MSMB: variants seen among roughly 807,000 people sequenced by gnomAD.
MSMB encodes the protein beta-microseminoprotein.
MSMB carries 10 observed loss-of-function variants against 10.5 expected under a neutral mutation model. That is an observed-to-expected ratio of 0.95 (90% CI 0.59 to 1.62). The LOEUF is 1.62. Ranked by LOEUF, MSMB falls within the 40% of genes most tolerant of loss-of-function variation. MSMB has a pLI of 0.00. For synonymous variants in MSMB, 43 were observed against 46.5 expected (o/e 0.93, Z 0.30); for missense variants, 126 against 137.4 (o/e 0.92, Z 0.42).
intron 1 of MSMB, among the ~76,000 whole-genome samples, chr10:46,042,714 C>A (rs1554928804): frequency 6.6e-6 from 1 of 152,154 alleles, no homozygotes; most frequent in African/African-American, 2.4e-5. Flanking sequence ...GGTGAGCCAG[C>A]AAGGTAGAAG....
chr10:46,046,123 C>G (rs1554929407), intron 1 of MSMB, 112 bp downstream of exon 1: 1 of 1,136,386 alleles, frequency 8.8e-7, no homozygotes, highest in Non-Finnish European at 1.3e-6. Context: ...AGGTTCCTAA[C>G]TAGGTCACAT....
chr10:46,038,546 C>A (rs553294032), intron 3 of MSMB, among the ~76,000 whole-genome samples: 1 of 152,108 alleles, frequency 6.6e-6, no homozygotes, highest in Non-Finnish European at 1.5e-5. Context: ...CTTCGGCCCC[C>A]CAAAATGCTG....
chr10:46,033,657 G>A lies in MSMB; in HGVS notation c.216-106C>T, dbSNP rs1554927150. 4 of 1,510,552 alleles carry A rather than the reference G, an allele frequency of 2.6e-6. No individual in the cohort carries two copies. In the African/African-American group the frequency reaches 5.6e-5, roughly 21 times the overall value. 93.6% of individuals were successfully genotyped at this position (1,510,552 alleles called of 1,614,324 possible). A position where few individuals can be genotyped will look rare whatever the true frequency, so the allele number is the denominator to read the frequency against. ...AAGTCACCCACACTCCAACTTAAGG[G>A]CACCCTTTGGCTGGCAGCCCCAGAG... On this transcript the variant is annotated intron_variant, in intron 3 of 3. Transcript: ENST00000582163.
At position 46,044,097 on chromosome 10, in the gene MSMB, C is replaced by G. The variant is rs111682261; in HGVS notation, c.3+2138G>C. ...ACCCCTGAGTAGAGAGGCTCTAAAG[C>G]TTTTTTCATTCCTGTCTTCTATTCT... On this transcript the variant is annotated intron_variant, in intron 1 of 3. Transcript: ENST00000582163. Among the ~76,000 whole-genome samples the G allele has an allele frequency of 9.9e-3, 1,505 of 152,282 alleles. 23 individuals carry two copies. The highest frequency in any genetic ancestry group is 0.034 in the African/African-American group (1,424 of 41,568).
chr10:46,037,474 A>C (rs1840636284), intron 3 of MSMB, among the ~76,000 whole-genome samples: 1 of 152,348 alleles, frequency 6.6e-6, no homozygotes, highest in East Asian at 1.9e-4. Context: ...CTGAGGAAAC[A>C]GGTAAATTAG....
Position 46,042,141 on chromosome 10 carries a change from T to C in MSMB, c.4-2050A>G, listed in dbSNP as rs138002180. Among the ~76,000 whole-genome samples the C allele has an allele frequency of 2.1e-3, 312 of 151,976 alleles. 2 individuals carry two copies. Among genetic ancestry groups the C allele is most frequent in the Middle Eastern group, 3.4e-3 (1 of 294 alleles). On this transcript the variant is annotated intron_variant, in intron 1 of 3. Coordinates refer to ENST00000582163, the MANE Select transcript of MSMB (RefSeq NM_002443.4). ...ACTTATTCTAAGCATAAAAGAAAAA[T>C]AGATTTGAGAATATAAACGTCATAA...
At chr10:46,037,938 C>T (rs73318194) in intron 3 of MSMB, among the ~76,000 whole-genome samples, 8,465 of 152,188 alleles carry the variant, frequency 0.056, 700 homozygotes, top group African/African-American at 0.18. Flanking sequence ...GATTCAGCCT[C>T]GAACAAGAAG....
chr10:46,033,542 T>C lies in MSMB; in HGVS notation c.225A>G (p.Thr75=). Residue 75 remains threonine (T), a synonymous_variant, in exon 4 of 4, where the codon ACA becomes ACG. Coordinates refer to ENST00000582163, the MANE Select transcript of MSMB (RefSeq NM_002443.4). The part of the protein sequence containing the change: ...TEISCCTLVS[T]PVGYDKDNCQ... ...AGTTGTCTTTGTCATAACCCACAGG[T>C]GTAGAAACACTGTCATTGAGACAAA... is the stretch of plus-strand genomic sequence containing the variant. The C allele has an allele frequency of 6.2e-7, 1 of 1,613,576 alleles. No homozygotes were observed. Among genetic ancestry groups the C allele is most frequent in the Non-Finnish European group, 8.5e-7 (1 of 1,179,542 alleles).
intron 1 of MSMB, among the ~76,000 whole-genome samples, chr10:46,045,671 C>A (rs1362339871): frequency 2.0e-5 from 3 of 152,174 alleles, no homozygotes; most frequent in Admixed American, 6.5e-5. Flanking sequence ...TAAATTGATG[C>A]TCTGTTCTCA....
intron 3 of MSMB, among the ~76,000 whole-genome samples, chr10:46,037,123 A>C (rs1488932331): frequency 6.6e-6 from 1 of 152,160 alleles, no homozygotes; most frequent in African/African-American, 2.4e-5. Context: ...AGGCACTTCA[A>C]GTTCAGTAGG....
intron 1 of MSMB, among the ~76,000 whole-genome samples, chr10:46,045,264 G>A: frequency 1.3e-5 from 2 of 152,192 alleles, no homozygotes; most frequent in Middle Eastern, 6.8e-3. Flanking sequence ...AGGCACAGTG[G>A]TTCACACCAG....
intron 3 of MSMB, among the ~76,000 whole-genome samples, chr10:46,036,719 A>G (rs1840614904): frequency 6.6e-6 from 1 of 152,180 alleles, no homozygotes; most frequent in South Asian, 2.1e-4. Context: ...CTTCACTGCA[A>G]GGAGCAGCCT....
chr10:46,042,556 C>T (rs576231424), intron 1 of MSMB, among the ~76,000 whole-genome samples: 1 of 152,322 alleles, frequency 6.6e-6, no homozygotes, highest in South Asian at 2.1e-4. Flanking sequence ...TTCACCTTTT[C>T]ATCTCCAAGA....
At chr10:46,045,754 TCCACTGCACAG>T (rs1221414880) in intron 1 of MSMB, among the ~76,000 whole-genome samples, 1 of 151,976 alleles carries the variant, frequency 6.6e-6, no homozygotes, top group Non-Finnish European at 1.5e-5. Flanking sequence ...CCCCGGAGTT[TCCACTGCACAG>T]CCAAGTTTGG....
chr10:46,046,187 T>C, intron 1 of MSMB, 48 bp downstream of exon 1: 1 of 1,571,272 alleles, frequency 6.4e-7, no homozygotes, highest in Non-Finnish European at 8.8e-7. Flanking sequence ...TAGGAATACA[T>C]ATTCTCTTTT....
At chr10:46,045,528 G>C (rs1296269655) in intron 1 of MSMB, among the ~76,000 whole-genome samples, 1 of 152,130 alleles carries the variant, frequency 6.6e-6, no homozygotes, top group East Asian at 1.9e-4. Context: ...GTGAGATCCT[G>C]TCTCAAAAAC....
At chr10:46,044,351 T>A (rs1554929083) in intron 1 of MSMB, among the ~76,000 whole-genome samples, 1 of 145,402 alleles carries the variant, frequency 6.9e-6, no homozygotes, top group Non-Finnish European at 1.5e-5. Flanking sequence ...CCGAGGCGGG[T>A]GGATCATGAG....
At chr10:46,037,666 G>A (rs1554927736) in intron 3 of MSMB, among the ~76,000 whole-genome samples, 1 of 152,136 alleles carries the variant, frequency 6.6e-6, no homozygotes, top group African/African-American at 2.4e-5. Flanking sequence ...CCTCACATCT[G>A]ATCCCTCTGC....
intron 1 of MSMB, among the ~76,000 whole-genome samples, chr10:46,043,697 C>T (rs185807206): frequency 2.0e-5 from 3 of 152,108 alleles, no homozygotes; most frequent in East Asian, 1.9e-4. Context: ...CTTTTTGGGA[C>T]GGAATCTCGT....
Sources: allele counts gnomAD v4.1 joint callset (sites outside exome capture counted in the v4.1 genomes callset), GRCh38; gene constraint gnomAD v4.1.1; transcripts MANE v1.5; gene names NCBI Gene and HGNC (gene_info 2026-07-23, HGNC 2026-07-21).